GABRG3: variants seen among roughly 807,000 people sequenced by gnomAD.
GABRG3 encodes the protein gamma-aminobutyric acid type A receptor subunit gamma3.
In GABRG3, 25 loss-of-function variants were observed where a neutral mutation model predicts 48.8. The ratio of observed to expected loss-of-function variants is 0.51; its 90% CI spans 0.37 to 0.72. The LOEUF (loss-of-function observed/expected upper bound fraction) is 0.72. Ranked by LOEUF, GABRG3 falls within the 30% of genes least tolerant of loss-of-function variation. The pLI is 0.00. For synonymous variants in GABRG3, 227 were observed against 217.6 expected, an observed-to-expected ratio of 1.04 and a Z score of -0.38; for missense variants, 394 against 577.9, an observed-to-expected ratio of 0.68 and a Z score of 3.26.
At chr15:27,334,368 G>T (rs952989442) in intron 5 of GABRG3, among the ~76,000 whole-genome samples, 17 of 152,170 alleles carry the variant, frequency 1.1e-4, no homozygotes, top group African/African-American at 4.1e-4. Flanking sequence ...ATCTCTTTCT[G>T]TTGTTTAGTT....
intron 5 of GABRG3, among the ~76,000 whole-genome samples, chr15:27,432,434 C>G (rs902277926): frequency 1.3e-5 from 2 of 152,094 alleles, no homozygotes; most frequent in African/African-American, 4.8e-5. Context: ...CCTCAGAGAG[C>G]CTTTGGTGCT....
At chr15:27,271,771 G>A (rs1428479158) in intron 3 of GABRG3, 1 of 375,182 alleles carries the variant, frequency 2.7e-6, no homozygotes, top group Non-Finnish European at 5.3e-6. Context: ...AGCGGTCAGG[G>A]ACGCATAGGC....
rs1891121470 is a variant in GABRG3, at chr15:27,520,030, C to T, written c.771C>T (p.Thr257=). ...FELSRRMGYF[T]IQTYIPCILT... is the part of the protein sequence containing the mutation. ...TGAGTAGAAGAATGGGATACTTCACCATTCAGACATACATTCCCTGTATAC... is the reference window on the plus strand; with the variant it reads ...TGAGTAGAAGAATGGGATACTTCACTATTCAGACATACATTCCCTGTATAC... Residue 257 remains threonine, a synonymous_variant, in exon 7 of 10, where the codon ACC becomes ACT. Coordinates refer to ENST00000615808, the MANE Select transcript of GABRG3 (RefSeq NM_033223.5). The T allele has an allele frequency of 6.3e-7, 1 of 1,589,786 alleles. No individual in the cohort carries two copies. The highest frequency in any genetic ancestry group is 8.6e-7 in the Non-Finnish European group (1 of 1,165,780).
intron 3 of GABRG3, among the ~76,000 whole-genome samples, chr15:27,250,196 C>A (rs893914891): frequency 7.9e-5 from 12 of 152,148 alleles, no homozygotes; most frequent in African/African-American, 2.9e-4. Flanking sequence ...TCACCGAAAC[C>A]CCTAGAGGAG....
intron 3 of GABRG3, among the ~76,000 whole-genome samples, chr15:27,122,050 A>G (rs1055334873): frequency 1.3e-5 from 2 of 152,226 alleles, no homozygotes; most frequent in South Asian, 2.1e-4. Context: ...TTGATAGCAC[A>G]AGAGGGTAAC....
rs902472423 is a variant in GABRG3, at chr15:27,176,029, A to G, written c.270+149208A>G. On this transcript the variant is annotated intron_variant, in intron 3 of 9. Transcript: ENST00000615808. Reference sequence around the variant, plus strand: ...TGGCCTATGTAAACAGTATGCTGGGAAAAAAAAAAAAAAGAAAGAAAAAAG... The same window carrying G: ...TGGCCTATGTAAACAGTATGCTGGGGAAAAAAAAAAAAAGAAAGAAAAAAG... 1.6e-3 allele frequency among the ~76,000 whole-genome samples: 96 copies of G among 59,802 alleles called. 1 individual carries two copies. The highest frequency in any genetic ancestry group is 3.4e-3 in the African/African-American group (62 of 18,170). The allele number at this position is 59,802 out of a possible 152,430, so 39.2% of individuals were successfully genotyped here.
chr15:27,297,157 T>C (rs1028832104), intron 3 of GABRG3, among the ~76,000 whole-genome samples: 7 of 152,234 alleles, frequency 4.6e-5, no homozygotes, highest in Admixed American at 1.3e-4. Context: ...CGTTTTTGTA[T>C]AGTAGTACAT....
intron 3 of GABRG3, among the ~76,000 whole-genome samples, chr15:27,034,543 A>C (rs1896142116): frequency 6.6e-6 from 1 of 152,220 alleles, no homozygotes. Flanking sequence ...ACAATAGAGA[A>C]TAGCCTGGAG....
Position 27,532,919 on chromosome 15 carries a change from A to G in GABRG3, c.*38A>G. The G allele has an allele frequency of 6.3e-7, 1 of 1,592,448 alleles. No individual in the cohort carries two copies. The highest frequency in any genetic ancestry group is 8.6e-7 in the Non-Finnish European group (1 of 1,168,168). ...GTGAAGAGTGAAGAGCATTTGGTAC[A>G]CACTTGACCTTCTGTCGTCCCCAGA... On this transcript the variant is annotated 3_prime_UTR_variant, in exon 10 of 10. Transcript: ENST00000615808.
chr15:27,219,026 C>G (rs537581859), intron 3 of GABRG3, among the ~76,000 whole-genome samples: 1 of 152,282 alleles, frequency 6.6e-6, no homozygotes, highest in East Asian at 1.9e-4. Flanking sequence ...ATTCTCTCCA[C>G]CAATCTCCCA....
chr15:27,165,871 C>T lies in GABRG3; in HGVS notation c.270+139050C>T, dbSNP rs543264384. ...TTGCTAGCCCTAGAGGAAGAAAAGG[C>T]AACCTCAGTATTGGAGGAGTGGCTG... On this transcript the variant is annotated intron_variant, in intron 3 of 9. Coordinates refer to ENST00000615808, the MANE Select transcript of GABRG3 (RefSeq NM_033223.5). Among the ~76,000 whole-genome samples the T allele has an allele frequency of 2.6e-5, 4 of 152,190 alleles. No individual in the cohort carries two copies. The South Asian group carries it at 6.2e-4, about 24-fold the overall frequency.
chr15:27,363,957 T>C (rs1480654013), intron 5 of GABRG3: 1 of 152,104 alleles, frequency 6.6e-6, no homozygotes, highest in Non-Finnish European at 1.5e-5. Flanking sequence ...TCCAGGAGTG[T>C]GAGATCTGAT....
intron 3 of GABRG3, among the ~76,000 whole-genome samples, chr15:27,065,293 G>GT (rs1219950432): frequency 3.3e-5 from 5 of 152,240 alleles, no homozygotes; most frequent in Non-Finnish European, 7.3e-5. Context: ...GGACTTGGCT[G>GT]TTGCTTCTGT....
intron 5 of GABRG3, among the ~76,000 whole-genome samples, chr15:27,345,774 C>T (rs1374418457): frequency 1.3e-5 from 2 of 152,094 alleles, no homozygotes; most frequent in South Asian, 2.1e-4. Context: ...AAACTTTTGG[C>T]TGAGCACTGT....
chr15:27,014,948 A>G (rs1895751121), intron 2 of GABRG3, among the ~76,000 whole-genome samples: 1 of 152,152 alleles, frequency 6.6e-6, no homozygotes, highest in Admixed American at 6.5e-5. Context: ...TGGGAACTCT[A>G]ACGTTAGGTG....
At chr15:27,429,873 G>T (rs796687459) in intron 5 of GABRG3, among the ~76,000 whole-genome samples, 103 of 152,278 alleles carry the variant, frequency 6.8e-4, no homozygotes, top group African/African-American at 2.5e-3. Flanking sequence ...AAATAATGTT[G>T]CTGTGAAAAT....
At chr15:26,999,065 G>T (rs185285655) in intron 2 of GABRG3, among the ~76,000 whole-genome samples, 112 of 150,976 alleles carry the variant, frequency 7.4e-4, no homozygotes, top group African/African-American at 2.5e-3. Flanking sequence ...TGACCTGTCA[G>T]TTGGCCCTTC....
At chr15:27,358,446 G>A (rs1193475041) in intron 5 of GABRG3, among the ~76,000 whole-genome samples, 2 of 152,104 alleles carry the variant, frequency 1.3e-5, no homozygotes, top group Non-Finnish European at 2.9e-5. Context: ...TGCAAATGCT[G>A]CTGAGTCAAG....
At chr15:27,423,721 C>CTTTTTTTTTTTTTTTTT (rs542775399) in intron 5 of GABRG3, among the ~76,000 whole-genome samples, 1 of 81,780 alleles carries the variant, frequency 1.2e-5, no homozygotes, top group African/African-American at 5.8e-5. Flanking sequence ...TTTTCTTTTC[C>CTTTTTTTTTTTTTTTTT]TTTTTTTTTT....
Sources: allele counts gnomAD v4.1 joint callset (sites outside exome capture counted in the v4.1 genomes callset), GRCh38; gene constraint gnomAD v4.1.1; transcripts MANE v1.5; gene names NCBI Gene and HGNC (gene_info 2026-07-23, HGNC 2026-07-21).